Variants in ABI3BP observed in about 807,000 individuals in gnomAD.
The protein encoded by ABI3BP is ABI family member 3 binding protein, also known as target of Nesh-SH3.
A neutral mutation model predicts 268.6 loss-of-function variants in ABI3BP; 216 were observed. The observed-to-expected ratio is 0.80, with a 90% CI of 0.72 to 0.90. The LOEUF is 0.90. Ranked by LOEUF, ABI3BP falls within the 40% of genes least tolerant of loss-of-function variation. ABI3BP has a pLI of 0.00. For missense variants in ABI3BP, 2,090 were observed against 2,182.4 expected (o/e 0.96, Z 0.84); for synonymous variants, 730 against 730.0 (o/e 1.00, Z 0.00).
intron 4 of ABI3BP, among the ~76,000 whole-genome samples, chr3:100,893,324 C>G (rs1002789563): frequency 6.6e-6 from 1 of 152,070 alleles, no homozygotes; most frequent in African/African-American, 2.4e-5. Context: ...AGCTTGCAGA[C>G]GGCCTGTTAT....
At chr3:100,911,756 A>G in intron 2 of ABI3BP, 3 of 964,208 alleles carry the variant, frequency 3.1e-6, no homozygotes, top group Non-Finnish European at 5.1e-6. Context: ...GTCGATGAGT[A>G]GCGTAGCTTT....
At chr3:100,756,759 T>TA (rs2095639638) in intron 63 of ABI3BP, among the ~76,000 whole-genome samples, 1 of 143,444 alleles carries the variant, frequency 7.0e-6, no homozygotes, top group Non-Finnish European at 1.5e-5. Context: ...ATGCCACATA[T>TA]ACAAGCTACT....
chr3:100,982,407 A>C (rs1345897732), intron 1 of ABI3BP, among the ~76,000 whole-genome samples: 2 of 152,152 alleles, frequency 1.3e-5, no homozygotes, highest in Non-Finnish European at 2.9e-5. Context: ...TGTTAATGAA[A>C]GCTAAAGAGG....
rs550915015 is a variant in ABI3BP at position 100,943,114 on chromosome 3, G to A, written c.80-16633C>T. Among the ~76,000 whole-genome samples the A allele has an allele frequency of 1.3e-5, 2 of 152,070 alleles. 1 individual carries two copies. The highest frequency in any genetic ancestry group is 4.8e-5 in the African/African-American group (2 of 41,514). On this transcript the variant is annotated intron_variant, in intron 1 of 67. Coordinates refer to ENST00000471714, the MANE Select transcript of ABI3BP (RefSeq NM_001375547.2). ...TCTTTAAATCTAACCAATATATTTA[G>A]AGATTTAAAATCAAAGATGAGTTAT...
At chr3:100,950,296 ATAT>A (rs2074386018) in intron 1 of ABI3BP, among the ~76,000 whole-genome samples, 1 of 152,204 alleles carries the variant, frequency 6.6e-6, no homozygotes, top group African/African-American at 2.4e-5. Context: ...AAAATGGAAA[ATAT>A]TATGCTTGAT....
intron 1 of ABI3BP, among the ~76,000 whole-genome samples, chr3:100,968,303 A>C (rs2082134814): frequency 2.0e-5 from 3 of 152,196 alleles, no homozygotes; most frequent in African/African-American, 7.2e-5. Flanking sequence ...ATGGATTAAA[A>C]ATCTCTTTTA....
intron 2 of ABI3BP, among the ~76,000 whole-genome samples, chr3:100,913,114 G>C (rs938342888): frequency 3.3e-5 from 5 of 152,126 alleles, no homozygotes; most frequent in African/African-American, 9.7e-5. Flanking sequence ...AGTTTCAACA[G>C]GGGGACCAAC....
At chr3:100,873,114 C>T (rs1278984210) in intron 9 of ABI3BP, among the ~76,000 whole-genome samples, 1 of 152,070 alleles carries the variant, frequency 6.6e-6, no homozygotes, top group Admixed American at 6.6e-5. Context: ...AAGAGCTTGC[C>T]TTTTAAAATT....
At position 100,875,512 on chromosome 3, in the gene ABI3BP, T is replaced by A; in HGVS notation, c.813A>T (p.Ile271=). 1 of 1,608,300 alleles carries A rather than the reference T, an allele frequency of 6.2e-7. No individual in the cohort carries two copies. The highest frequency in any genetic ancestry group is 8.5e-7 in the Non-Finnish European group (1 of 1,174,688). ...SPEKAPLGGV[I]LVHLIIPGLN... is the part of the protein sequence containing the mutation. ...TAGATTTCGAGATCCACTCACCTAG[T>A]ATCACTCCTCCCAGTGGAGCTTTTT... Residue 271 remains isoleucine, a synonymous_variant, in exon 8 of 68, where the codon ATA becomes ATT. Transcript: ENST00000471714.
At chr3:100,981,900 T>C (rs1340046712) in intron 1 of ABI3BP, among the ~76,000 whole-genome samples, 1 of 152,206 alleles carries the variant, frequency 6.6e-6, no homozygotes, top group Non-Finnish European at 1.5e-5. Context: ...TATCTAGATC[T>C]TTCCATCACT....
intron 63 of ABI3BP, among the ~76,000 whole-genome samples, chr3:100,765,139 C>G (rs2096214406): frequency 6.7e-6 from 1 of 149,362 alleles, no homozygotes; most frequent in South Asian, 2.1e-4. Context: ...TTCCTTACTA[C>G]ATTTCTAGAA....
chr3:100,846,644 AG>A, intron 19 of ABI3BP, 198 bp from the exon 20 acceptor site: 1 of 424,352 alleles, frequency 2.4e-6, no homozygotes, highest in Non-Finnish European at 4.2e-6. Context: ...TATCTTGTTT[AG>A]AAAAAACATT....
Position 100,810,483 on chromosome 3 carries a change from G to T in ABI3BP, c.3542-6C>A, listed in dbSNP as rs1037607944. The T allele has an allele frequency of 5.0e-5, 76 of 1,533,826 alleles. No homozygotes were observed. Among genetic ancestry groups the T allele is most frequent in the Non-Finnish European group, 6.0e-5 (69 of 1,145,230 alleles). On this transcript the variant is annotated splice_polypyrimidine_tract_variant and splice_region_variant and intron_variant, in intron 48 of 67. Coordinates refer to ENST00000471714, the MANE Select transcript of ABI3BP (RefSeq NM_001375547.2). ...AGAAGGCAGAGGCGACGTTTCTATG[G>T]TAATTGAAGGAAAGTACGCGGGTTA...
In ABI3BP at chr3:100,787,815, G is replaced by C. The variant is rs528155394; in HGVS notation, c.4088-13C>G. On this transcript the variant is annotated splice_polypyrimidine_tract_variant and intron_variant, in intron 56 of 67. Transcript: ENST00000471714. ...GTCCTATTCAGAACTAAAATAAAGT[G>C]GGATATAAATAGTTCATTTTCTTAT... 45 of 1,504,526 alleles carry C rather than the reference G, an allele frequency of 3.0e-5. No individual in the cohort carries two copies. The South Asian group carries it at 5.1e-4, about 17-fold the overall frequency. The allele number at this position is 1,504,526 out of a possible 1,614,324, so 93.2% of individuals were successfully genotyped here.
chr3:100,926,367 C>T lies in ABI3BP; in HGVS notation c.194G>A (p.Ser65Asn). 1 of 1,613,568 alleles carries T rather than the reference C, an allele frequency of 6.2e-7. No individual in the cohort carries two copies. The highest frequency in any genetic ancestry group is 8.5e-7 in the Non-Finnish European group (1 of 1,179,644). Residue 65 changes from serine (S) to asparagine (N), a missense_variant, in exon 2 of 68, where the codon AGC (serine) becomes AAC (asparagine). Ser to Asn is a conservative substitution (Grantham distance 46). Coordinates refer to ENST00000471714, the MANE Select transcript of ABI3BP (RefSeq NM_001375547.2). Reference protein sequence around the residue: ...KLEGLLLGYGSNVSPNQYFPL... With the variant: ...KLEGLLLGYGNNVSPNQYFPL... ...GAAGTACTGGTTTGGTGATACATTG[C>T]TGCCATATCCCAGGAGAAGACCTTC...
At chr3:100,862,460 C>A (rs1189763842) in intron 13 of ABI3BP, 75 bp from the exon 14 acceptor site, 3 of 1,012,548 alleles carry the variant, frequency 3.0e-6, no homozygotes, top group Non-Finnish European at 2.9e-6. Context: ...AAATAGGTTG[C>A]TGGTATGGTT....
chr3:100,801,685 GA>G (rs1432471038), intron 51 of ABI3BP, among the ~76,000 whole-genome samples: 1 of 151,968 alleles, frequency 6.6e-6, no homozygotes, highest in African/African-American at 2.4e-5. Context: ...TTGAAAAAAA[GA>G]AACTATTTTA....
chr3:100,984,713 C>T (rs539826781), intron 1 of ABI3BP, among the ~76,000 whole-genome samples: 15 of 152,140 alleles, frequency 9.9e-5, no homozygotes, highest in South Asian at 2.1e-4. Context: ...TAATATTATA[C>T]GGAGTAGAAT....
At chr3:100,815,996 AC>A in intron 43 of ABI3BP, 25 bp from the exon 44 acceptor site, 1 of 1,472,642 alleles carries the variant, frequency 6.8e-7, no homozygotes, top group Non-Finnish European at 9.0e-7. Context: ...CAACATGAAT[AC>A]AAGAAAGCTT....
Sources: gnomAD v4.1 joint callset for allele counts (sites outside exome capture counted in the v4.1 genomes callset) on GRCh38, gnomAD v4.1.1 for gene constraint, MANE v1.5 for transcripts, NCBI Gene and HGNC (gene_info 2026-07-23, HGNC 2026-07-21) for gene names.